Variants in ATRN observed in about 807,000 individuals in gnomAD.
ATRN encodes attractin.
Under a neutral mutation model 178.7 loss-of-function variants are expected in ATRN, and 54 were observed. The ratio of observed to expected loss-of-function variants is 0.30; its 90% confidence interval spans 0.24 to 0.38. ATRN has a LOEUF of 0.38. Among genes scored for constraint, ATRN ranks in the 10% least tolerant of loss-of-function variants. The probability of loss-of-function intolerance (pLI) is 1.00; values close to 1 mark genes in which losing one functional copy is unlikely to be tolerated. For missense variants in ATRN, 1,443 were observed against 1,815.1 expected, an observed-to-expected ratio of 0.79 and a Z score of 3.73; for synonymous variants, 636 against 663.0, an observed-to-expected ratio of 0.96 and a Z score of 0.63.
chr20:3,564,626 A>AT (rs1445093278), intron 10 of ATRN, among the ~76,000 whole-genome samples: 9 of 152,212 alleles, frequency 5.9e-5, no homozygotes, highest in African/African-American at 2.2e-4. Flanking sequence ...TGACATTTAA[A>AT]TTTCTTGAAA....
At chr20:3,595,054 A>T (rs962877495) in intron 20 of ATRN, among the ~76,000 whole-genome samples, 1 of 152,184 alleles carries the variant, frequency 6.6e-6, no homozygotes, top group African/African-American at 2.4e-5. Context: ...ATCTTCCTGG[A>T]GAGGGTTTGA....
At chr20:3,497,894 C>T (rs1056189128) in intron 1 of ATRN, among the ~76,000 whole-genome samples, 16 of 152,104 alleles carry the variant, frequency 1.1e-4, no homozygotes, top group Middle Eastern at 3.4e-3. Flanking sequence ...CTTCCCTTCT[C>T]GCTTCATTTC....
Position 3,576,940 on chromosome 20 carries a change from G to A in ATRN, c.2296G>A (p.Ala766Thr). ...CAAGAAGACCAGCTGCAGGAGCTGTGCCCTGGACCAGAACTGCCAGTGGGA... is the reference window on the plus strand; with the variant it reads ...CAAGAAGACCAGCTGCAGGAGCTGTACCCTGGACCAGAACTGCCAGTGGGA... ...CNKKTSCRSC[A>T]LDQNCQWEPR... The change falls in exon 14 of 29, where the codon GCC becomes ACC. Residue 766 changes from alanine to threonine, a missense_variant. Ala to Thr is a moderately conservative substitution (Grantham distance 58). This residue lies in a region of ATRN where 212 missense variants were observed against 330.7 expected (regional missense o/e 0.64). Coordinates refer to ENST00000262919, the MANE Select transcript of ATRN (RefSeq NM_139321.3). 6.2e-7 allele frequency: 1 copy of A among 1,614,086 alleles called. No homozygotes were observed. The highest frequency in any genetic ancestry group is 8.5e-7 in the Non-Finnish European group (1 of 1,180,016).
chr20:3,574,388 C>T (rs778009779), intron 12 of ATRN, among the ~76,000 whole-genome samples: 18 of 152,116 alleles, frequency 1.2e-4, no homozygotes, highest in Non-Finnish European at 2.5e-4. Flanking sequence ...CATGGTGGTG[C>T]ACGCCTATAG....
At chr20:3,549,453 G>C (rs2085757477) in intron 6 of ATRN, 115 bp downstream of exon 6, 1 of 950,392 alleles carries the variant, frequency 1.1e-6, no homozygotes, top group South Asian at 2.4e-5. Flanking sequence ...GAAAATCCCT[G>C]TTAATATTTT....
chr20:3,588,581 A>G (rs1386875518), intron 18 of ATRN, among the ~76,000 whole-genome samples: 1 of 151,952 alleles, frequency 6.6e-6, no homozygotes, highest in Non-Finnish European at 1.5e-5. Context: ...CTGCTGTTGG[A>G]TTCTATTTGC....
At chr20:3,489,646 A>G (rs2084755044) in intron 1 of ATRN, 1 of 1,488,122 alleles carries the variant, frequency 6.7e-7, no homozygotes, top group Admixed American at 1.7e-5. Flanking sequence ...GCCTTCTGCA[A>G]TTTGAATTTG....
chr20:3,528,487 G>A (rs2085405364), intron 1 of ATRN, among the ~76,000 whole-genome samples: 1 of 152,152 alleles, frequency 6.6e-6, no homozygotes, highest in African/African-American at 2.4e-5. Context: ...AATTAATGCA[G>A]TAACAGAAAA....
intron 12 of ATRN, among the ~76,000 whole-genome samples, chr20:3,573,895 G>C (rs1365101230): frequency 6.6e-6 from 1 of 151,898 alleles, no homozygotes; most frequent in East Asian, 1.9e-4. Context: ...CTGCCACCAT[G>C]CTCGGCTAGT....
chr20:3,625,404 T>C (rs2086930092), intron 25 of ATRN, among the ~76,000 whole-genome samples: 1 of 152,216 alleles, frequency 6.6e-6, no homozygotes, highest in African/African-American at 2.4e-5. Flanking sequence ...TATTCACAGC[T>C]GCATTGAACA....
At chr20:3,498,059 C>T (rs1465668825) in intron 1 of ATRN, among the ~76,000 whole-genome samples, 23 of 152,238 alleles carry the variant, frequency 1.5e-4, no homozygotes, top group Admixed American at 3.9e-4. Flanking sequence ...AACACCTCTA[C>T]GCAAATAAAC....
intron 1 of ATRN, chr20:3,489,755 A>T: frequency 6.7e-7 from 1 of 1,484,168 alleles, no homozygotes; most frequent in Non-Finnish European, 9.4e-7. Context: ...GATGCTATTC[A>T]GCAAAGTGTC....
At chr20:3,507,949 C>G (rs964672097) in intron 1 of ATRN, among the ~76,000 whole-genome samples, 1 of 151,918 alleles carries the variant, frequency 6.6e-6, no homozygotes, top group Non-Finnish European at 1.5e-5. Flanking sequence ...GTGATCCACC[C>G]GTCTCGGCCT....
chr20:3,561,934 C>T (rs894318854), intron 8 of ATRN, among the ~76,000 whole-genome samples: 16 of 151,994 alleles, frequency 1.1e-4, no homozygotes, highest in Non-Finnish European at 2.1e-4. Flanking sequence ...GCTATGTTGC[C>T]CAGGCTGGCC....
rs16988701 is a variant in ATRN at position 3,558,902 on chromosome 20, C to T, written c.1113-491C>T. Among the ~76,000 whole-genome samples, 911 of 152,022 alleles carry T rather than the reference C, an allele frequency of 6.0e-3. 13 individuals are homozygous for T. Among genetic ancestry groups the T allele is most frequent in the African/African-American group, 0.02 (844 of 41,474 alleles). On this transcript the variant is annotated intron_variant, in intron 6 of 28. Transcript: ENST00000262919. ...TTTTGTATTTTAAGGTCTTTATATT[C>T]GTAGTACAAGTGAAATGCTATAATG...
At chr20:3,507,267 G>A (rs1002268121) in intron 1 of ATRN, among the ~76,000 whole-genome samples, 34 of 151,848 alleles carry the variant, frequency 2.2e-4, no homozygotes, top group African/African-American at 6.3e-4. Context: ...AAATTTAGCC[G>A]GGCATGGTGG....
At chr20:3,493,122 TTGTGTGTGTGTG>T (rs10601580) in intron 1 of ATRN, among the ~76,000 whole-genome samples, 6 of 141,236 alleles carry the variant, frequency 4.2e-5, no homozygotes, top group Non-Finnish European at 6.1e-5. Context: ...GTACGTTTGT[TTGTGTGTGTGTG>T]TGTGTGTGTG....
intron 3 of ATRN, among the ~76,000 whole-genome samples, chr20:3,545,513 G>A (rs111652981): frequency 6.6e-5 from 10 of 152,098 alleles, no homozygotes; most frequent in Admixed American, 2.0e-4. Context: ...AAAAAGAATA[G>A]GGCCATTGAT....
At chr20:3,570,922 T>G (rs1401080428) in intron 11 of ATRN, among the ~76,000 whole-genome samples, 1 of 152,196 alleles carries the variant, frequency 6.6e-6, no homozygotes, top group Non-Finnish European at 1.5e-5. Context: ...AACTGTGGTG[T>G]TCTTCTTTTT....
Sources: allele counts gnomAD v4.1 joint callset (sites outside exome capture counted in the v4.1 genomes callset), GRCh38; gene constraint gnomAD v4.1.1; regional missense constraint gnomAD v4.1.1; transcripts MANE v1.5; gene names NCBI Gene and HGNC (gene_info 2026-07-23, HGNC 2026-07-21).